Variants in XRCC4 observed in about 807,000 individuals in gnomAD.
The protein encoded by XRCC4 is DNA repair protein XRCC4.
Under a neutral mutation model 39.1 loss-of-function variants are expected in XRCC4, and 28 were observed. The observed-to-expected ratio is 0.72, with a 90% CI of 0.53 to 0.98. The LOEUF is 0.98. Ranked by LOEUF, XRCC4 falls within the 50% of genes least tolerant of loss-of-function variation. The probability of loss-of-function intolerance (pLI) is 0.00; values close to 1 mark genes in which losing one functional copy is unlikely to be tolerated. For synonymous variants in XRCC4, 123 were observed against 126.4 expected (o/e 0.97, Z 0.18); for missense variants, 350 against 376.4 (o/e 0.93, Z 0.58).
At chr5:83,309,712 G>A (rs1354666187) in intron 7 of XRCC4, among the ~76,000 whole-genome samples, 15 of 132,686 alleles carry the variant, frequency 1.1e-4, no homozygotes, top group Admixed American at 1.1e-3. Flanking sequence ...TGCAGTGATC[G>A]CGCCACTGCA....
chr5:83,139,913 T>C (rs1341351448), intron 3 of XRCC4, among the ~76,000 whole-genome samples: 3 of 152,236 alleles, frequency 2.0e-5, no homozygotes, highest in African/African-American at 7.2e-5. Flanking sequence ...CTCATACATA[T>C]ACATTCACAC....
At chr5:83,111,277 G>A (rs1746434377) in intron 3 of XRCC4, 74 bp downstream of exon 3, 2 of 1,290,482 alleles carry the variant, frequency 1.5e-6, no homozygotes. Flanking sequence ...TTAAATTTAA[G>A]TGACTACTAT....
At chr5:83,331,026 A>G (rs142564335) in intron 7 of XRCC4, among the ~76,000 whole-genome samples, 1 of 152,234 alleles carries the variant, frequency 6.6e-6, no homozygotes, top group East Asian at 1.9e-4. Context: ...TCATCATTAA[A>G]ATACAGCAGG....
chr5:83,229,638 C>G lies in XRCC4; in HGVS notation c.745+24717C>G, dbSNP rs1465391725. On this transcript the variant is annotated intron_variant, in intron 6 of 7. Transcript: ENST00000396027. ...ATGCTCATTCCATTAAAACTTTATT[C>G]CAGGAGACAAAATGTTTAAACTTTT... Among the ~76,000 whole-genome samples the G allele has an allele frequency of 2.0e-5, 3 of 148,710 alleles. No homozygotes were observed. The Admixed American group carries it at 2.0e-4, about 10-fold the overall frequency.
intron 3 of XRCC4, among the ~76,000 whole-genome samples, chr5:83,128,127 T>G (rs1747367608): frequency 6.6e-6 from 1 of 152,062 alleles, no homozygotes; most frequent in African/African-American, 2.4e-5. Context: ...TCCACCCTCC[T>G]GCCACCCCAC....
At chr5:83,170,637 A>C (rs1749679187) in intron 3 of XRCC4, among the ~76,000 whole-genome samples, 1 of 152,176 alleles carries the variant, frequency 6.6e-6, no homozygotes, top group South Asian at 2.1e-4. Context: ...AGCCAGCAAC[A>C]GACAAGTTCC....
intron 7 of XRCC4, among the ~76,000 whole-genome samples, chr5:83,261,625 T>G (rs1003172292): frequency 2.5e-5 from 3 of 121,160 alleles, no homozygotes; most frequent in Non-Finnish European, 3.7e-5. Flanking sequence ...TTTTTTTTTT[T>G]GTCTACAAGA....
chr5:83,251,654 T>C (rs574154063), intron 6 of XRCC4, among the ~76,000 whole-genome samples: 2 of 152,186 alleles, frequency 1.3e-5, no homozygotes, highest in African/African-American at 4.8e-5. Context: ...TTATCCTTAA[T>C]AGCCCACTCT....
intron 3 of XRCC4, among the ~76,000 whole-genome samples, chr5:83,143,049 C>T (rs940384470): frequency 6.6e-6 from 1 of 152,050 alleles, no homozygotes; most frequent in Admixed American, 6.5e-5. Context: ...CAAATAGTTA[C>T]CAGTGACAGT....
At chr5:83,291,094 C>CT (rs1174895434) in intron 7 of XRCC4, among the ~76,000 whole-genome samples, 1 of 151,546 alleles carries the variant, frequency 6.6e-6, no homozygotes, top group Non-Finnish European at 1.5e-5. Flanking sequence ...ATTTGTGTAT[C>CT]TTTTTTTTCT....
chr5:83,101,445 C>T (rs905340125), intron 1 of XRCC4, among the ~76,000 whole-genome samples: 2 of 152,126 alleles, frequency 1.3e-5, no homozygotes, highest in South Asian at 4.1e-4. Flanking sequence ...AGAAGAATTG[C>T]TTTTGGATTA....
intron 7 of XRCC4, among the ~76,000 whole-genome samples, chr5:83,294,650 G>A (rs1755033714): frequency 6.6e-6 from 1 of 151,926 alleles, no homozygotes; most frequent in African/African-American, 2.4e-5. Context: ...AAGACTTCTG[G>A]TTGCCTTATT....
intron 3 of XRCC4, among the ~76,000 whole-genome samples, chr5:83,148,405 A>G (rs764607936): frequency 2.4e-4 from 36 of 151,932 alleles, no homozygotes; most frequent in Non-Finnish European, 4.7e-4. Flanking sequence ...CTTAACTGTT[A>G]CTCTTCAGTT....
intron 3 of XRCC4, among the ~76,000 whole-genome samples, chr5:83,159,463 A>G (rs778766442): frequency 4.6e-5 from 7 of 152,118 alleles, no homozygotes; most frequent in Non-Finnish European, 1.0e-4. Context: ...GTGAAAGGAG[A>G]AATGTTTAGG....
intron 1 of XRCC4, among the ~76,000 whole-genome samples, chr5:83,078,488 A>C (rs1020957256): frequency 6.6e-6 from 1 of 152,218 alleles, no homozygotes; most frequent in Admixed American, 6.5e-5. Flanking sequence ...GAAAGAGAGA[A>C]GGTAACTCAC....
At chr5:83,211,451 G>C (rs1433720747) in intron 6 of XRCC4, among the ~76,000 whole-genome samples, 1 of 152,196 alleles carries the variant, frequency 6.6e-6, no homozygotes, top group African/African-American at 2.4e-5. Context: ...GCTCATGGTT[G>C]GGGTAAACAT....
At chr5:83,104,822 G>A (rs1034468979) in intron 1 of XRCC4, 88 bp from the exon 2 acceptor site, 4 of 1,205,712 alleles carry the variant, frequency 3.3e-6, no homozygotes, top group African/African-American at 3.1e-5. Flanking sequence ...TATTTCCTTG[G>A]TGTTTGTGTA....
intron 3 of XRCC4, among the ~76,000 whole-genome samples, chr5:83,171,713 C>T (rs1338046661): frequency 6.6e-6 from 1 of 152,142 alleles, no homozygotes; most frequent in Non-Finnish European, 1.5e-5. Flanking sequence ...AGGCCAAATG[C>T]CTTAGCCTAG....
At chr5:83,102,961 G>T (rs1010538374) in intron 1 of XRCC4, among the ~76,000 whole-genome samples, 1 of 142,834 alleles carries the variant, frequency 7.0e-6, no homozygotes, top group African/African-American at 2.6e-5. Flanking sequence ...CATACAATGA[G>T]GATCCTGTTA....
Sources: allele counts gnomAD v4.1 joint callset (sites outside exome capture counted in the v4.1 genomes callset), GRCh38; gene constraint gnomAD v4.1.1; transcripts MANE v1.5; gene names NCBI Gene and HGNC (gene_info 2026-07-23, HGNC 2026-07-21).